Variants in AKAP6 observed in about 807,000 individuals in gnomAD.
AKAP6 encodes A-kinase anchor protein 6.
AKAP6 carries 58 observed loss-of-function variants against 188.5 expected under a neutral mutation model. That is an observed-to-expected ratio of 0.31 (90% CI 0.25 to 0.38). The LOEUF is 0.38. Ranked by LOEUF, AKAP6 falls within the 10% of genes least tolerant of loss-of-function variation. The probability of loss-of-function intolerance (pLI) is 1.00; values close to 1 mark genes in which losing one functional copy is unlikely to be tolerated. For synonymous variants in AKAP6, 989 were observed against 998.6 expected, an observed-to-expected ratio of 0.99 and a Z score of 0.18; for missense variants, 2,710 against 2,740.0, an observed-to-expected ratio of 0.99 and a Z score of 0.24.
intron 9 of AKAP6, among the ~76,000 whole-genome samples, chr14:32,702,096 A>G (rs1388352029): frequency 6.6e-6 from 1 of 152,216 alleles, no homozygotes; most frequent in African/African-American, 2.4e-5. Flanking sequence ...TATCAGGCAC[A>G]AGAATTTAAT....
At chr14:32,694,728 C>T (rs920419058) in intron 8 of AKAP6, among the ~76,000 whole-genome samples, 4 of 139,468 alleles carry the variant, frequency 2.9e-5, no homozygotes, top group Admixed American at 1.5e-4. Flanking sequence ...TATTCCCCCC[C>T]ACCCCATCAC....
chr14:32,812,754 C>T (rs1310964625), intron 12 of AKAP6, among the ~76,000 whole-genome samples: 1 of 152,182 alleles, frequency 6.6e-6, no homozygotes, highest in Non-Finnish European at 1.5e-5. Context: ...TTGCCACCTA[C>T]CTATAATACT....
At chr14:32,380,892 GT>G (rs199615144) in intron 1 of AKAP6, among the ~76,000 whole-genome samples, 26 of 150,014 alleles carry the variant, frequency 1.7e-4, no homozygotes, top group Middle Eastern at 3.5e-3. Context: ...TTACAAAAGA[GT>G]TTTTTTTTTC....
rs373492751 is a variant in AKAP6, at chr14:32,654,273, G to T, written c.2731-24038G>T. 9.2e-5 allele frequency among the ~76,000 whole-genome samples: 14 copies of T among 152,194 alleles called. No homozygotes were observed. The East Asian group carries it at 2.3e-3, about 25-fold the overall frequency. ...AGTTTCACAAGAATTGGACTCTGAA[G>T]CCTGCACCACTGAAACTCTGGGTCT... On this transcript the variant is annotated intron_variant, in intron 7 of 13. Coordinates refer to ENST00000280979, the MANE Select transcript of AKAP6 (RefSeq NM_004274.5).
chr14:32,364,584 T>C (rs1045588170), intron 1 of AKAP6, among the ~76,000 whole-genome samples: 2 of 152,206 alleles, frequency 1.3e-5, no homozygotes, highest in African/African-American at 4.8e-5. Context: ...TTTTTCAACC[T>C]TTTATTTATT....
intron 12 of AKAP6, among the ~76,000 whole-genome samples, chr14:32,804,710 G>C (rs1462910222): frequency 6.6e-6 from 1 of 152,112 alleles, no homozygotes. Context: ...ATAAGCCTGA[G>C]GGTACTGTAG....
intron 1 of AKAP6, among the ~76,000 whole-genome samples, chr14:32,337,401 A>C (rs1886740262): frequency 6.6e-6 from 1 of 152,174 alleles, no homozygotes; most frequent in African/African-American, 2.4e-5. Context: ...TCAGAAGGGC[A>C]GCTTCTCCAA....
intron 8 of AKAP6, 134 bp from the exon 9 acceptor site, chr14:32,695,856 C>A: frequency 1.8e-6 from 2 of 1,125,438 alleles, no homozygotes; most frequent in Non-Finnish European, 2.4e-6. Flanking sequence ...TGTGTAACAA[C>A]ATAGAAATTT....
chr14:32,539,730 C>G (rs1330303335), intron 3 of AKAP6, among the ~76,000 whole-genome samples: 1 of 152,108 alleles, frequency 6.6e-6, no homozygotes, highest in Non-Finnish European at 1.5e-5. Flanking sequence ...TTCCCCTTGC[C>G]TATGAGAAAC....
intron 4 of AKAP6, among the ~76,000 whole-genome samples, chr14:32,547,819 G>A (rs1883265842): frequency 6.7e-6 from 1 of 148,514 alleles, no homozygotes; most frequent in Non-Finnish European, 1.5e-5. Flanking sequence ...ACTCCAACCT[G>A]GGCAACAGAG....
rs368086234 is a variant in AKAP6 at position 32,754,957 on chromosome 14, G to A, written c.3373-18721G>A. ...CTTTGTCTTTGACTTTTGAGAATTT[G>A]ATTATAATTTGTCCTGGTGAAGATA... On this transcript the variant is annotated intron_variant, in intron 11 of 13. Coordinates refer to ENST00000280979, the MANE Select transcript of AKAP6 (RefSeq NM_004274.5). Among the ~76,000 whole-genome samples, 143 of 152,242 alleles carry A rather than the reference G, an allele frequency of 9.4e-4. No individual in the cohort carries two copies. In the South Asian group the frequency reaches 0.028, roughly 30 times the overall value.
At chr14:32,714,844 T>C (rs1194996297) in intron 9 of AKAP6, among the ~76,000 whole-genome samples, 1 of 151,886 alleles carries the variant, frequency 6.6e-6, no homozygotes, top group Non-Finnish European at 1.5e-5. Flanking sequence ...GTTTATACAG[T>C]ATTTGAATTG....
intron 5 of AKAP6, 36 bp downstream of exon 5, chr14:32,577,278 C>G (rs1884770368): frequency 6.3e-7 from 1 of 1,594,166 alleles, no homozygotes; most frequent in Non-Finnish European, 8.5e-7. Context: ...TGTCAATAAT[C>G]AAAGGATTTT....
intron 4 of AKAP6, among the ~76,000 whole-genome samples, chr14:32,573,255 CAG>C (rs1302623558): frequency 6.6e-6 from 1 of 152,164 alleles, no homozygotes; most frequent in Non-Finnish European, 1.5e-5. Context: ...CAGCCTGTGG[CAG>C]AGAGTAGAAC....
chr14:32,761,961 A>T (rs2032554918), intron 11 of AKAP6, among the ~76,000 whole-genome samples: 1 of 152,134 alleles, frequency 6.6e-6, no homozygotes, highest in Admixed American at 6.5e-5. Context: ...CACAGAATCA[A>T]TAAAAGATAA....
intron 8 of AKAP6, among the ~76,000 whole-genome samples, chr14:32,684,722 C>T: frequency 6.8e-6 from 1 of 146,776 alleles, no homozygotes; most frequent in East Asian, 2.1e-4. Flanking sequence ...AAATGAGAAT[C>T]ATTATCCTAG....
intron 9 of AKAP6, among the ~76,000 whole-genome samples, chr14:32,729,957 C>A (rs368449831): frequency 2.0e-5 from 3 of 152,014 alleles, no homozygotes; most frequent in African/African-American, 7.2e-5. Flanking sequence ...AAAGTAGCCC[C>A]ACTTGATAGG....
At chr14:32,434,425 G>A (rs1890318808) in intron 2 of AKAP6, among the ~76,000 whole-genome samples, 1 of 152,198 alleles carries the variant, frequency 6.6e-6, no homozygotes, top group Non-Finnish European at 1.5e-5. Flanking sequence ...ATGAAATGGA[G>A]TTGCTAGTAA....
Position 32,822,805 on chromosome 14 carries a change from A to G in AKAP6, c.4992A>G (p.Gln1664=). The G allele has an allele frequency of 6.2e-7, 1 of 1,613,974 alleles. No individual in the cohort carries two copies. The highest frequency in any genetic ancestry group is 8.5e-7 in the Non-Finnish European group (1 of 1,179,938). The change falls in exon 13 of 14, where the codon CAA becomes CAG. Residue 1664 remains glutamine, a synonymous_variant. Transcript: ENST00000280979. ...VSDITLQSSS[Q]KMSFTGQMSL... is the part of the protein sequence containing the mutation. ...ATATCACTCTTCAAAGCAGTTCCCA[A>G]AAGATGTCCTTTACTGGCCAGATGT...
Sources: allele counts gnomAD v4.1 joint callset (sites outside exome capture counted in the v4.1 genomes callset), GRCh38; gene constraint gnomAD v4.1.1; transcripts MANE v1.5; gene names NCBI Gene and HGNC (gene_info 2026-07-23, HGNC 2026-07-21).